TRIM37: variants seen among roughly 807,000 people sequenced by gnomAD.
TRIM37 encodes the protein E3 ubiquitin-protein ligase TRIM37.
TRIM37 carries 80 observed loss-of-function variants against 129.8 expected under a neutral mutation model. That is an observed-to-expected ratio of 0.62 (90% CI 0.51 to 0.74). The LOEUF (loss-of-function observed/expected upper bound fraction) is 0.74, where lower values mean the gene tolerates loss of function less well. TRIM37 is among the 30% of genes least tolerant of loss of function. TRIM37 has a pLI of 0.00. For missense variants in TRIM37, 1,054 were observed against 1,176.5 expected (o/e 0.90, Z 1.52); for synonymous variants, 389 against 387.1 (o/e 1.00, Z -0.06).
At chr17:59,015,485 G>T in intron 21 of TRIM37, 125 bp downstream of exon 21, 3 of 987,686 alleles carry the variant, frequency 3.0e-6, no homozygotes, top group Non-Finnish European at 4.7e-6. Context: ...TGCAATAAAT[G>T]TATTTTCTGT....
At chr17:58,982,103 C>G (rs1207767427), downstream of TRIM37, 1 of 152,564 alleles carries the variant, frequency 6.6e-6, no homozygotes. Context: ...CTAAAGTGAG[C>G]CCAGAGGCCA....
chr17:58,992,678 C>A (rs540143513), intron 24 of TRIM37, among the ~76,000 whole-genome samples: 1 of 152,308 alleles, frequency 6.6e-6, no homozygotes, highest in South Asian at 2.1e-4. Context: ...CTGTGCCCGG[C>A]AGGTGTCCAG....
chr17:59,015,941 A>G lies in TRIM37; in HGVS notation c.2387-142T>C, dbSNP rs920287441. 6 of 701,816 alleles carry G rather than the reference A, an allele frequency of 8.5e-6. No homozygotes were observed. The African/African-American group carries it at 8.9e-5, about 10-fold the overall frequency. 43.5% of individuals were successfully genotyped at this position (701,816 alleles called of 1,614,324 possible). ...TTGCAGTGAGCTGAGATTGTGCTAC[A>G]CTCCAGCCTGGACAACAGAGCAAGA... On this transcript the variant is annotated intron_variant, in intron 20 of 23. Transcript: ENST00000262294.
intron 16 of TRIM37, among the ~76,000 whole-genome samples, chr17:59,042,267 T>A (rs1251586117): frequency 6.8e-6 from 1 of 148,138 alleles, no homozygotes; most frequent in African/African-American, 2.5e-5. Flanking sequence ...TCCCAGCTAC[T>A]CAGGAGGCTG....
chr17:59,073,637 C>T (rs947555407), intron 8 of TRIM37, among the ~76,000 whole-genome samples: 1 of 152,136 alleles, frequency 6.6e-6, no homozygotes, highest in African/African-American at 2.4e-5. Flanking sequence ...ACTTCCCAGG[C>T]GAGCGCCGTG....
Position 59,104,412 on chromosome 17 carries a change from TGTA to T in TRIM37, c.22-21_22-19del. ...GCAATGCTCTGAAAACAGTAAAAGATGTAAGGTCCACCAGTTTAGGCTACTGAA... is the reference window on the plus strand; with the variant it reads ...GCAATGCTCTGAAAACAGTAAAAGATAGGTCCACCAGTTTAGGCTACTGAA... On this transcript the variant is annotated intron_variant, in intron 1 of 23. Transcript: ENST00000262294. 2 of 1,609,028 alleles carry T rather than the reference TGTA, an allele frequency of 1.2e-6. No individual in the cohort carries two copies. The highest frequency in any genetic ancestry group is 1.7e-6 in the Non-Finnish European group (2 of 1,175,380).
chr17:59,045,844 G>C (rs1420071928), intron 16 of TRIM37, among the ~76,000 whole-genome samples: 1 of 151,276 alleles, frequency 6.6e-6, no homozygotes, highest in Admixed American at 6.6e-5. Context: ...GTGAAACCCC[G>C]TCTCCACTAA....
chr17:59,019,686 T>A (rs12943705), intron 19 of TRIM37, among the ~76,000 whole-genome samples: 1 of 151,020 alleles, frequency 6.6e-6, no homozygotes, highest in Non-Finnish European at 1.5e-5. Context: ...CCAGCCTGGG[T>A]AACAGGGAGA....
the TRIM37 span, chr17:58,969,542 C>T: frequency 1.2e-6 from 2 of 1,613,976 alleles, no homozygotes; most frequent in Non-Finnish European, 8.5e-7. Flanking sequence ...TTGACAGGAC[C>T]AGGAAGAACA....
chr17:59,081,964 A>AAAAAAAAAAAAAAAATAAT (rs1568200247), intron 5 of TRIM37, among the ~76,000 whole-genome samples: 2 of 87,198 alleles, frequency 2.3e-5, no homozygotes, highest in Non-Finnish European at 4.3e-5. Flanking sequence ...AAAAAAAAAA[A>AAAAAAAAAAAAAAAATAAT]AATAATAATA....
At chr17:59,100,452 T>G (rs1160371889) in intron 2 of TRIM37, among the ~76,000 whole-genome samples, 1 of 152,222 alleles carries the variant, frequency 6.6e-6, no homozygotes, top group African/African-American at 2.4e-5. Flanking sequence ...GTATTTTTGC[T>G]GAGTGAAAAA....
the TRIM37 span, chr17:58,972,102 T>G: frequency 6.3e-7 from 1 of 1,587,922 alleles, no homozygotes; most frequent in South Asian, 1.1e-5. Context: ...TTCTTTTCAC[T>G]GAGTCTAGTT....
chr17:59,058,931 T>G (rs1351719928), intron 12 of TRIM37, among the ~76,000 whole-genome samples: 1 of 152,198 alleles, frequency 6.6e-6, no homozygotes, highest in East Asian at 1.9e-4. Context: ...CTTGTAAAAT[T>G]TTCAGGTTTA....
At chr17:59,077,480 C>A (rs965384094) in intron 7 of TRIM37, among the ~76,000 whole-genome samples, 1 of 152,024 alleles carries the variant, frequency 6.6e-6, no homozygotes, top group African/African-American at 2.4e-5. Context: ...AAAACATTAG[C>A]CTATGGACAA....
chr17:59,008,960 G>A (rs143502116), intron 22 of TRIM37, among the ~76,000 whole-genome samples: 3 of 152,188 alleles, frequency 2.0e-5, no homozygotes, highest in East Asian at 3.9e-4. Context: ...TCTGGCCTCT[G>A]GTCTGTCTCC....
At position 59,078,903 on chromosome 17, in the gene TRIM37, T is replaced by C. The variant is rs149159668; in HGVS notation, c.616+851A>G. Among the ~76,000 whole-genome samples, 342 of 152,210 alleles carry C rather than the reference T, an allele frequency of 2.2e-3. 1 individual carries two copies. Among genetic ancestry groups the C allele is most frequent in the Middle Eastern group, 3.4e-3 (1 of 294 alleles). ...GATATTAAATAGTATAGGATTATAA[T>C]AGAAAAGCAATTCATGAAATGATAT... On this transcript the variant is annotated intron_variant, in intron 7 of 23. Transcript: ENST00000262294.
chr17:59,042,442 A>AT (rs2039313800), intron 16 of TRIM37, among the ~76,000 whole-genome samples: 10 of 47,320 alleles, frequency 2.1e-4, no homozygotes, highest in African/African-American at 3.3e-4. Flanking sequence ...AAAAAAAAAA[A>AT]AAAAAAAATA....
In TRIM37 at chr17:59,081,954, A is replaced by T. The variant is rs1275003213; in HGVS notation, c.370-735T>A. ...ATAAAAACCAAAAAAAAAAAAAAATAAAAAAAAAAAAATAATAATAATAAT... is the reference window on the plus strand; with the variant it reads ...ATAAAAACCAAAAAAAAAAAAAAATTAAAAAAAAAAAATAATAATAATAAT... On this transcript the variant is annotated intron_variant, in intron 5 of 23. Coordinates refer to ENST00000262294, the MANE Select transcript of TRIM37 (RefSeq NM_015294.6). Among the ~76,000 whole-genome samples, 34 of 60,924 alleles carry T rather than the reference A, an allele frequency of 5.6e-4. No individual in the cohort carries two copies. The East Asian group carries it at 0.01, about 18-fold the overall frequency. The allele number at this position is 60,924 out of a possible 152,430, so 40.0% of individuals were successfully genotyped here.
the TRIM37 span, chr17:58,972,358 T>C: frequency 1.0e-4 from 146 of 1,424,570 alleles, no homozygotes; most frequent in East Asian, 3.0e-3. Flanking sequence ...TCACTTACTT[T>C]TTTTTTTTTT....
Sources: allele counts gnomAD v4.1 joint callset (sites outside exome capture counted in the v4.1 genomes callset), GRCh38; gene constraint gnomAD v4.1.1; transcripts MANE v1.5; gene names NCBI Gene and HGNC (gene_info 2026-07-23, HGNC 2026-07-21).